CEACAM18: variants seen among roughly 807,000 people sequenced by gnomAD.
CEACAM18 encodes CEA cell adhesion molecule 18.
Under a neutral mutation model 34.3 loss-of-function variants are expected in CEACAM18, and 33 were observed. The observed-to-expected ratio is 0.96, with a 90% CI of 0.73 to 1.29. The LOEUF is 1.29. CEACAM18 is among the 50% of genes most tolerant of loss of function. CEACAM18 has a pLI of 0.00. For missense variants in CEACAM18, 474 were observed against 485.0 expected (o/e 0.98, Z 0.21); for synonymous variants, 169 against 180.9 (o/e 0.93, Z 0.53).
chr19:51,484,890 A>G (rs1989974752), intron 4 of CEACAM18, 97 bp from the exon 5 acceptor site: 1 of 1,434,828 alleles, frequency 7.0e-7, no homozygotes, highest in Non-Finnish European at 9.5e-7. Context: ...GATGTTGACA[A>G]ATCTTTGAAG....
intron 5 of CEACAM18, among the ~76,000 whole-genome samples, chr19:51,489,670 TCGGCCTG>T (rs1990058231): frequency 6.6e-6 from 1 of 152,140 alleles, no homozygotes; most frequent in Admixed American, 6.5e-5. Flanking sequence ...TAGCAGGCAA[TCGGCCTG>T]ACTGTGCTTT....
exon 5 of CEACAM18, chr19:51,485,122 G>T: frequency 6.6e-7 from 1 of 1,507,200 alleles, no homozygotes; most frequent in Non-Finnish European, 8.8e-7. Flanking sequence ...TACTCAATCA[G>T]GTGCCCTCAT....
At chr19:51,485,102 G>T in exon 5 of CEACAM18, 1 of 1,525,510 alleles carries the variant, frequency 6.6e-7, no homozygotes, top group Non-Finnish European at 8.8e-7. Context: ...TCCATGCTCT[G>T]ATCAACCACT....
intron 3 of CEACAM18, among the ~76,000 whole-genome samples, chr19:51,481,892 G>A (rs968140833): frequency 1.3e-5 from 2 of 152,186 alleles, no homozygotes; most frequent in African/African-American, 4.8e-5. Context: ...GAAGACGCCA[G>A]TCCCCACTTC....
intron 4 of CEACAM18, among the ~76,000 whole-genome samples, chr19:51,483,625 A>C (rs1989955489): frequency 6.6e-6 from 1 of 152,188 alleles, no homozygotes; most frequent in Non-Finnish European, 1.5e-5. Context: ...CATCACCTCC[A>C]TTTGACAGGT....
At chr19:51,481,399 G>A in exon 3 of CEACAM18, 1 of 1,613,674 alleles carries the variant, frequency 6.2e-7, no homozygotes, top group Admixed American at 1.7e-5. Flanking sequence ...CCAGAGTTGG[G>A]AAGCAATCTG....
At chr19:51,482,856 T>C (rs1989939883) in intron 3 of CEACAM18, among the ~76,000 whole-genome samples, 161 bp from the exon 4 acceptor site, 1 of 152,172 alleles carries the variant, frequency 6.6e-6, no homozygotes. Flanking sequence ...TAGAAGATGC[T>C]CTTATGGTTA....
upstream of CEACAM18, chr19:51,478,584 C>T: frequency 1.4e-6 from 2 of 1,441,380 alleles, no homozygotes; most frequent in African/African-American, 1.4e-5. Context: ...TTGGAGGGAG[C>T]AGAGGAGGTG....
chr19:51,483,376 A>G, intron 4 of CEACAM18, 80 bp downstream of exon 4: 1 of 1,525,002 alleles, frequency 6.6e-7, no homozygotes, highest in Non-Finnish European at 9.1e-7. Context: ...CACCCTCAGG[A>G]GTGCCACCTC....
At chr19:51,485,205 C>A in intron 5 of CEACAM18, 83 bp downstream of exon 5, 1 of 1,353,286 alleles carries the variant, frequency 7.4e-7, no homozygotes, top group Non-Finnish European at 9.8e-7. Context: ...AGAGGGGAAG[C>A]AGAGCCAGAA....
exon 2 of CEACAM18, chr19:51,480,358 C>T: frequency 8.1e-6 from 13 of 1,610,644 alleles, no homozygotes; most frequent in Non-Finnish European, 1.1e-5. Flanking sequence ...GTGGGATCTG[C>T]CAGGCCTCTG....
chr19:51,479,451 G>A (rs1989870458), intron 1 of CEACAM18, among the ~76,000 whole-genome samples: 1 of 152,232 alleles, frequency 6.6e-6, no homozygotes, highest in Admixed American at 6.5e-5. Flanking sequence ...CCTGTGTCCA[G>A]CCTGTGCTCA....
chr19:51,482,816 T>C (rs904902835), intron 3 of CEACAM18, among the ~76,000 whole-genome samples: 1 of 152,218 alleles, frequency 6.6e-6, no homozygotes, highest in Non-Finnish European at 1.5e-5. Context: ...AATGGCACCA[T>C]GGGCCTGGCC....
intron 1 of CEACAM18, 150 bp downstream of exon 1, chr19:51,478,844 G>T (rs1214113561): frequency 1.5e-5 from 8 of 545,444 alleles, no homozygotes; most frequent in Non-Finnish European, 2.4e-5. Flanking sequence ...GAAGGGGGAG[G>T]ACCCTCAGCA....
chr19:51,485,352 A>C (rs1330877621), intron 5 of CEACAM18, among the ~76,000 whole-genome samples: 1 of 152,200 alleles, frequency 6.6e-6, no homozygotes, highest in African/African-American at 2.4e-5. Flanking sequence ...GGTTTCTTCT[A>C]GCAACTTCCC....
exon 3 of CEACAM18, chr19:51,481,426 C>T: frequency 6.2e-7 from 1 of 1,613,972 alleles, no homozygotes; most frequent in Middle Eastern, 1.6e-4. Flanking sequence ...TCCGTCAATG[C>T]CAGCTCCCTG....
Position 51,487,378 on chromosome 19 carries a change from G to A in CEACAM18, c.1089+2256G>A, listed in dbSNP as rs572030727. 5.9e-5 allele frequency among the ~76,000 whole-genome samples: 9 copies of A among 152,282 alleles called. No individual in the cohort carries two copies. In the East Asian group the frequency reaches 1.7e-3, roughly 29 times the overall value. ...GAGTTCCAGCTACTCAGGAGGCTGA[G>A]GTGGGAGGATCTCTTGAGCCCGAGA... On this transcript the variant is annotated intron_variant, in intron 5 of 5. Transcript: ENST00000396477.
Position 51,484,976 on chromosome 19 carries a change from T to A in CEACAM18, c.954-11T>A, listed in dbSNP as rs1336422039. 4.6e-6 allele frequency: 7 copies of A among 1,536,034 alleles called. No individual in the cohort carries two copies. In the Admixed American group the frequency reaches 9.8e-5, roughly 22 times the overall value. On this transcript the variant is annotated splice_polypyrimidine_tract_variant and intron_variant, in intron 4 of 5. Transcript: ENST00000396477. Reference sequence around the variant, plus strand: ...TCGTGGTCCTGACCCCCAGGTGTCCTCTTCCTTCAGGGATCTTACCTGTTG... The same window carrying A: ...TCGTGGTCCTGACCCCCAGGTGTCCACTTCCTTCAGGGATCTTACCTGTTG...
At chr19:51,486,304 A>G (rs1323733156) in intron 5 of CEACAM18, among the ~76,000 whole-genome samples, 2 of 152,276 alleles carry the variant, frequency 1.3e-5, no homozygotes, top group South Asian at 2.1e-4. Context: ...TAGCAAATGC[A>G]GTGCTGATGG....
Sources: allele counts gnomAD v4.1 joint callset (sites outside exome capture counted in the v4.1 genomes callset), GRCh38; gene constraint gnomAD v4.1.1; transcripts MANE v1.5; gene names NCBI Gene and HGNC (gene_info 2026-07-23, HGNC 2026-07-21).